PAK2: variants seen among roughly 807,000 people sequenced by gnomAD.
PAK2 encodes p21 (RAC1) activated kinase 2, also known as serine/threonine-protein kinase PAK 2.
In PAK2, 21 loss-of-function variants were observed where a neutral mutation model predicts 65.9. The ratio of observed to expected loss-of-function variants is 0.32; its 90% CI spans 0.23 to 0.46. The LOEUF (loss-of-function observed/expected upper bound fraction) is 0.46. Among genes scored for constraint, PAK2 ranks in the 20% least tolerant of loss-of-function variants. The pLI is 1.00. For missense variants in PAK2, 324 were observed against 642.6 expected (o/e 0.50, Z 5.36); for synonymous variants, 204 against 219.7 (o/e 0.93, Z 0.63).
At chr3:196,801,500 G>A (rs1715421515) in intron 2 of PAK2, among the ~76,000 whole-genome samples, 1 of 152,098 alleles carries the variant, frequency 6.6e-6, no homozygotes, top group Admixed American at 6.6e-5. Context: ...TTTGATTCTA[G>A]TGTGTTTTCT....
At chr3:196,775,507 C>A (rs1412875069) in intron 1 of PAK2, among the ~76,000 whole-genome samples, 1 of 151,968 alleles carries the variant, frequency 6.6e-6, no homozygotes, top group Non-Finnish European at 1.5e-5. Flanking sequence ...CTCAGCCTCC[C>A]GAGTAGCTGG....
chr3:196,745,119 C>G (rs1457460001), intron 1 of PAK2, among the ~76,000 whole-genome samples: 1 of 135,552 alleles, frequency 7.4e-6, no homozygotes, highest in African/African-American at 2.7e-5. Flanking sequence ...GTGTTTCAAT[C>G]TTTTTTTTTT....
Position 196,814,529 on chromosome 3 carries a change from G to A in PAK2, c.1014G>A (p.Thr338=), listed in dbSNP as rs761286680. Residue 338 remains threonine (T), a synonymous_variant, in exon 11 of 15, where the codon ACG becomes ACA. Transcript: ENST00000327134. The part of the protein sequence containing the change: ...GGSLTDVVTE[T]CMDEAQIAAV... ...CACTCACTGATGTGGTAACAGAAACGTGCATGGATGAAGCACAGATTGCTG... is the reference window on the plus strand; with the variant it reads ...CACTCACTGATGTGGTAACAGAAACATGCATGGATGAAGCACAGATTGCTG... 51 of 1,525,078 alleles carry A rather than the reference G, an allele frequency of 3.3e-5. No homozygotes were observed. The highest frequency in any genetic ancestry group is 4.6e-5 in the South Asian group (4 of 87,368). 94.5% of individuals were successfully genotyped at this position (1,525,078 alleles called of 1,614,324 possible).
At position 196,741,659 on chromosome 3, in the gene PAK2, C is replaced by A. The variant is rs575241196; in HGVS notation, c.-22+1502C>A. ...GTTTTCACTAAGTAGCCCATTGTTA[C>A]CTTTCCCTCCAGCAAGGCTCTGAAA... On this transcript the variant is annotated intron_variant, in intron 1 of 14. Transcript: ENST00000327134. 1.4e-4 allele frequency among the ~76,000 whole-genome samples: 22 copies of A among 152,312 alleles called. No individual in the cohort carries two copies. The South Asian group carries it at 2.3e-3, about 16-fold the overall frequency.
intron 13 of PAK2, among the ~76,000 whole-genome samples, chr3:196,821,199 G>T (rs1711637922): frequency 6.6e-6 from 1 of 151,942 alleles, no homozygotes; most frequent in South Asian, 2.1e-4. Flanking sequence ...TTAAGGAAAT[G>T]TAAATCAAAA....
At chr3:196,753,182 C>T (rs887307579) in intron 1 of PAK2, among the ~76,000 whole-genome samples, 10 of 151,976 alleles carry the variant, frequency 6.6e-5, no homozygotes, top group Non-Finnish European at 1.5e-4. Flanking sequence ...TGGTCTCGAT[C>T]TCCTGACCTC....
At chr3:196,758,157 T>G (rs1713829026) in intron 1 of PAK2, among the ~76,000 whole-genome samples, 1 of 152,214 alleles carries the variant, frequency 6.6e-6, no homozygotes, top group Non-Finnish European at 1.5e-5. Flanking sequence ...GATGTAATGG[T>G]CAACAAGATA....
intron 4 of PAK2, among the ~76,000 whole-genome samples, chr3:196,804,831 A>G (rs1215440470): frequency 1.5e-4 from 3 of 19,940 alleles, no homozygotes; most frequent in African/African-American, 1.0e-3. Flanking sequence ...ATATACACAT[A>G]TATATATATA....
chr3:196,777,536 A>G (rs1714575973), intron 1 of PAK2, among the ~76,000 whole-genome samples: 1 of 152,220 alleles, frequency 6.6e-6, no homozygotes, highest in African/African-American at 2.4e-5. Flanking sequence ...TACAGTAAGT[A>G]TATATAAACA....
chr3:196,786,470 CTTTTT>C (rs548308782), intron 2 of PAK2, among the ~76,000 whole-genome samples: 2 of 152,024 alleles, frequency 1.3e-5, no homozygotes, highest in Admixed American at 1.3e-4. Context: ...TTCAATTTCT[CTTTTT>C]TGTGGTTCGA....
At chr3:196,823,336 A>G (rs936674271) in intron 13 of PAK2, among the ~76,000 whole-genome samples, 2 of 152,190 alleles carry the variant, frequency 1.3e-5, no homozygotes, top group Middle Eastern at 6.3e-3. Context: ...AGAGTCTTAC[A>G]GGGCTGCGTC....
At chr3:196,825,448 C>A (rs1030869643) in intron 13 of PAK2, among the ~76,000 whole-genome samples, 1 of 151,762 alleles carries the variant, frequency 6.6e-6, no homozygotes, top group South Asian at 2.1e-4. Context: ...TTAAGACCAG[C>A]CTGGCCAACA....
chr3:196,824,693 T>G (rs1711770891), intron 13 of PAK2, among the ~76,000 whole-genome samples: 1 of 152,022 alleles, frequency 6.6e-6, no homozygotes, highest in Non-Finnish European at 1.5e-5. Flanking sequence ...TCAAAGCCCA[T>G]GGAACAACTA....
At position 196,791,573 on chromosome 3, in the gene PAK2, A is replaced by T. The variant is rs1471570948; in HGVS notation, c.187+8740A>T. On this transcript the variant is annotated intron_variant, in intron 2 of 14. Transcript: ENST00000327134. The surrounding 1 kb of genome is among the most constrained non-coding windows in gnomAD (Gnocchi z 4.0). ...TGTTATCTCTCACCCTTCTTTTTAT[A>T]TTTTTTTCTTATTTTATATTTCTTA... 6.6e-6 allele frequency among the ~76,000 whole-genome samples: 1 copy of T among 151,864 alleles called. No homozygotes were observed. Among genetic ancestry groups the T allele is most frequent in the Non-Finnish European group, 1.5e-5 (1 of 67,952 alleles).
At chr3:196,812,885 A>G (rs752803741) in intron 10 of PAK2, 34 bp downstream of exon 10, 2 of 934,892 alleles carry the variant, frequency 2.1e-6, no homozygotes, top group South Asian at 2.7e-5. Flanking sequence ...ACCGGGAGAA[A>G]ATGTAGAAAT....
chr3:196,779,418 A>G lies in PAK2; in HGVS notation c.-21-3208A>G, dbSNP rs115675611. Among the ~76,000 whole-genome samples the G allele has an allele frequency of 4.5e-3, 679 of 152,222 alleles. 11 individuals carry two copies. Among genetic ancestry groups the G allele is most frequent in the African/African-American group, 0.015 (643 of 41,538 alleles). ...CTTCCATTTTCCCTTTCCCATGCCTAGAGTCAGCCATTCCTTCAAGGAGTC... is the reference window on the plus strand; with the variant it reads ...CTTCCATTTTCCCTTTCCCATGCCTGGAGTCAGCCATTCCTTCAAGGAGTC... On this transcript the variant is annotated intron_variant, in intron 1 of 14. Coordinates refer to ENST00000327134, the MANE Select transcript of PAK2 (RefSeq NM_002577.4).
At chr3:196,745,515 C>T (rs964505100) in intron 1 of PAK2, among the ~76,000 whole-genome samples, 1 of 151,972 alleles carries the variant, frequency 6.6e-6, no homozygotes, top group African/African-American at 2.4e-5. Context: ...AAATAAAATA[C>T]AGGTATAAAA....
chr3:196,787,072 C>T (rs1197443086), intron 2 of PAK2, among the ~76,000 whole-genome samples: 1 of 152,046 alleles, frequency 6.6e-6, no homozygotes, highest in East Asian at 1.9e-4. Flanking sequence ...GATCTGCCAG[C>T]CTTGGCCTCC....
At chr3:196,823,524 A>G (rs996905181) in intron 13 of PAK2, among the ~76,000 whole-genome samples, 5 of 151,982 alleles carry the variant, frequency 3.3e-5, no homozygotes, top group Admixed American at 2.6e-4. Context: ...GTGACTATCC[A>G]TTCCCAGGCT....
Sources: gnomAD v4.1 joint callset for allele counts (sites outside exome capture counted in the v4.1 genomes callset) on GRCh38, gnomAD v4.1.1 for gene constraint, Gnocchi (gnomAD v3.1) non-coding constraint, MANE v1.5 for transcripts, NCBI Gene and HGNC (gene_info 2026-07-23, HGNC 2026-07-21) for gene names.